The following SPATA6 variants were observed in gnomAD, a reference collection of about 807,000 sequenced individuals.
SPATA6 encodes spermatogenesis associated 6.
In SPATA6, 56 loss-of-function variants were observed where a neutral mutation model predicts 65.3. The ratio of observed to expected loss-of-function variants is 0.86; its 90% CI spans 0.69 to 1.07. SPATA6 has a LOEUF of 1.07. Ranked by LOEUF, SPATA6 falls within the 50% of genes least tolerant of loss-of-function variation. SPATA6 has a pLI of 0.00. For synonymous variants in SPATA6, 199 were observed against 213.2 expected, an observed-to-expected ratio of 0.93 and a Z score of 0.58; for missense variants, 590 against 594.8, an observed-to-expected ratio of 0.99 and a Z score of 0.08.
At chr1:48,463,401 T>A (rs1441314586) in intron 1 of SPATA6, among the ~76,000 whole-genome samples, 1 of 152,058 alleles carries the variant, frequency 6.6e-6, no homozygotes, top group Non-Finnish European at 1.5e-5. Context: ...GTAAATCTTA[T>A]GCATCTTGGA....
chr1:48,423,021 T>C (rs1653493543), intron 3 of SPATA6, among the ~76,000 whole-genome samples: 1 of 152,172 alleles, frequency 6.6e-6, no homozygotes. Flanking sequence ...AAGAATGAAC[T>C]ACTGGGACAT....
At position 48,359,607 on chromosome 1, in the gene SPATA6, T is replaced by A; in HGVS notation, c.1073A>T (p.Asn358Ile). ...TTACCTTTCCCTGAGAGAAGCTCTA[T>A]TTAACACAGGGCTTGGAGAATGCTT... ...MPKHSPSPVL[N>I]RASLRERFHS... Residue 358 changes from asparagine (N) to isoleucine (I), a missense_variant, in exon 10 of 13, where the codon AAT becomes ATT. Physicochemically the swap from Asn to Ile is moderately radical, Grantham distance 149. Coordinates refer to ENST00000371847, the MANE Select transcript of SPATA6 (RefSeq NM_019073.4). 1 of 1,613,280 alleles carries A rather than the reference T, an allele frequency of 6.2e-7. No homozygotes were observed. Among genetic ancestry groups the A allele is most frequent in the Non-Finnish European group, 8.5e-7 (1 of 1,179,424 alleles).
intron 3 of SPATA6, among the ~76,000 whole-genome samples, chr1:48,432,801 T>C (rs920945406): frequency 1.3e-5 from 2 of 152,158 alleles, no homozygotes; most frequent in African/African-American, 4.8e-5. Flanking sequence ...GCATGGAAAG[T>C]AGGATCACAA....
the SPATA6 span, among the ~76,000 whole-genome samples, chr1:48,286,361 T>C: frequency 6.6e-6 from 1 of 152,206 alleles, no homozygotes; most frequent in Non-Finnish European, 1.5e-5. Flanking sequence ...TGTTTTATGA[T>C]TCTCAGCATT....
chr1:48,439,822 C>T (rs896068184), intron 3 of SPATA6, among the ~76,000 whole-genome samples: 3 of 152,164 alleles, frequency 2.0e-5, no homozygotes, highest in African/African-American at 4.8e-5. Context: ...AAAGCAGCAG[C>T]TTATTTTTTT....
At position 48,295,860 on chromosome 1, in the gene SPATA6, T is replaced by G. The variant is rs1644804916; in HGVS notation, c.*2853A>C. The G allele has an allele frequency of 6.6e-6, 1 of 152,152 alleles. No individual in the cohort carries two copies. The highest frequency in any genetic ancestry group is 1.5e-5 in the Non-Finnish European group (1 of 67,994). The allele number at this position is 152,152 out of a possible 1,614,324, so 9.4% of individuals were successfully genotyped here. A position where few individuals can be genotyped will look rare whatever the true frequency, so the allele number is the denominator to read the frequency against. ...GCCTAGGACTTCCTGATCGTACATATTAATTGTACAATTATGAAATGTCAA... is the reference window on the plus strand; with the variant it reads ...GCCTAGGACTTCCTGATCGTACATAGTAATTGTACAATTATGAAATGTCAA... On this transcript the variant is annotated 3_prime_UTR_variant, in exon 13 of 13. Coordinates refer to ENST00000371847, the MANE Select transcript of SPATA6 (RefSeq NM_019073.4).
In SPATA6 at chr1:48,355,782, A is replaced by C; in HGVS notation, c.1095-13T>G. On this transcript the variant is annotated splice_polypyrimidine_tract_variant and intron_variant, in intron 10 of 12. Coordinates refer to ENST00000371847, the MANE Select transcript of SPATA6 (RefSeq NM_019073.4). ...ATCAGAATGAAATCTGTAGGCAAAA[A>C]ATAAGTTTTATTTTTGTTACTAAAA... The C allele has an allele frequency of 6.2e-7, 1 of 1,601,380 alleles. No homozygotes were observed. The highest frequency in any genetic ancestry group is 8.5e-7 in the Non-Finnish European group (1 of 1,171,604).
chr1:48,399,242 GA>G (rs1650904626), intron 7 of SPATA6, 108 bp downstream of exon 7: 1 of 1,278,062 alleles, frequency 7.8e-7, no homozygotes, highest in Non-Finnish European at 1.1e-6. Context: ...AGTCAGAAGA[GA>G]AAAGTATTAT....
chr1:48,284,950 G>C, the SPATA6 span, among the ~76,000 whole-genome samples: 3 of 152,192 alleles, frequency 2.0e-5, no homozygotes, highest in South Asian at 4.1e-4. Flanking sequence ...AGCAGAGCTC[G>C]AGCGCTGTGC....
chr1:48,469,955 T>G (rs892828989), intron 1 of SPATA6, among the ~76,000 whole-genome samples: 1 of 152,210 alleles, frequency 6.6e-6, no homozygotes, highest in African/African-American at 2.4e-5. Context: ...ATAGCCATGC[T>G]GAGCATCGAT....
At chr1:48,286,513 A>C in the SPATA6 span, among the ~76,000 whole-genome samples, 1 of 152,038 alleles carries the variant, frequency 6.6e-6, no homozygotes, top group African/African-American at 2.4e-5. Context: ...CTAATTTTCT[A>C]TTCTGCAACT....
At chr1:48,283,507 C>T in the SPATA6 span, among the ~76,000 whole-genome samples, 1 of 150,464 alleles carries the variant, frequency 6.6e-6, no homozygotes, top group African/African-American at 2.4e-5. Context: ...GGTGAATCCT[C>T]ATCTCTACTA....
At chr1:48,428,839 G>GTGTATATATATGTGTGTATA (rs1180096022) in intron 3 of SPATA6, among the ~76,000 whole-genome samples, 63 of 139,404 alleles carry the variant, frequency 4.5e-4, no homozygotes, top group African/African-American at 1.5e-3. Context: ...GTATATATAT[G>GTGTATATATATGTGTGTATA]TGTATATATA....
chr1:48,433,861 T>C (rs1269330816), intron 3 of SPATA6, among the ~76,000 whole-genome samples: 2 of 152,156 alleles, frequency 1.3e-5, no homozygotes, highest in African/African-American at 4.8e-5. Flanking sequence ...CTTTACCTGA[T>C]ATTCCAGATA....
At chr1:48,442,669 AAGAG>A in intron 3 of SPATA6, among the ~76,000 whole-genome samples, 1 of 149,664 alleles carries the variant, frequency 6.7e-6, no homozygotes, top group Admixed American at 6.7e-5. Context: ...GGGAGTCAGA[AAGAG>A]AGAAAGAGAA....
chr1:48,436,997 G>T (rs1655000415), intron 3 of SPATA6: 1 of 1,609,544 alleles, frequency 6.2e-7, no homozygotes, highest in South Asian at 1.1e-5. Context: ...GCCTTCTTTA[G>T]CTTGGTACAG....
At chr1:48,302,455 A>G (rs1171352499) in intron 12 of SPATA6, among the ~76,000 whole-genome samples, 1 of 152,138 alleles carries the variant, frequency 6.6e-6, no homozygotes, top group Non-Finnish European at 1.5e-5. Context: ...TTTAGCTCCC[A>G]TTTACAATGA....
At chr1:48,469,468 CTATT>C (rs1448184273) in intron 1 of SPATA6, among the ~76,000 whole-genome samples, 24 of 43,410 alleles carry the variant, frequency 5.5e-4, no homozygotes, top group Admixed American at 5.5e-3. Context: ...AAACAAATAT[CTATT>C]TATATATATA....
chr1:48,468,797 C>A (rs547274105), intron 1 of SPATA6, among the ~76,000 whole-genome samples: 1 of 152,302 alleles, frequency 6.6e-6, no homozygotes, highest in South Asian at 2.1e-4. Flanking sequence ...TAAACCTTGA[C>A]TGGATCCCGG....
Sources: gnomAD v4.1 joint callset for allele counts (sites outside exome capture counted in the v4.1 genomes callset) on GRCh38, gnomAD v4.1.1 for gene constraint, MANE v1.5 for transcripts, NCBI Gene and HGNC (gene_info 2026-07-23, HGNC 2026-07-21) for gene names.